Variants in MORC1 observed in about 807,000 individuals in gnomAD.
MORC1 encodes the protein MORC family CW-type zinc finger protein 1.
MORC1 carries 59 observed loss-of-function variants against 134.9 expected under a neutral mutation model. The ratio of observed to expected loss-of-function variants is 0.44; its 90% CI spans 0.35 to 0.54. The LOEUF (loss-of-function observed/expected upper bound fraction) is 0.54, where lower values mean the gene tolerates loss of function less well. Ranked by LOEUF, MORC1 falls within the 20% of genes least tolerant of loss-of-function variation. The pLI is 0.00. For synonymous variants in MORC1, 395 were observed against 391.7 expected, an observed-to-expected ratio of 1.01 and a Z score of -0.10; for missense variants, 947 against 1,134.5, an observed-to-expected ratio of 0.83 and a Z score of 2.37.
intron 3 of MORC1, chr3:109,110,222 G>A (rs1174826624): frequency 1.3e-5 from 2 of 152,456 alleles, no homozygotes; most frequent in Admixed American, 6.5e-5. Context: ...TGACTACCTG[G>A]GCATTACTCT....
intron 14 of MORC1, among the ~76,000 whole-genome samples, chr3:109,041,796 A>G (rs1045017595): frequency 6.6e-6 from 1 of 152,170 alleles, no homozygotes; most frequent in African/African-American, 2.4e-5. Context: ...CAATGAGCTG[A>G]GATCGTGCCA....
chr3:108,969,803 A>C, intron 25 of MORC1, 81 bp from the exon 26 acceptor site: 18 of 1,365,318 alleles, frequency 1.3e-5, no homozygotes, highest in Non-Finnish European at 1.8e-5. Flanking sequence ...TCACACAAGC[A>C]TTGAGTATAA....
At chr3:108,988,120 T>C (rs934953910) in intron 21 of MORC1, among the ~76,000 whole-genome samples, 3 of 152,044 alleles carry the variant, frequency 2.0e-5, no homozygotes, top group Non-Finnish European at 4.4e-5. Context: ...CTCTTTTTTT[T>C]CCCCTCCCAG....
At chr3:109,041,902 C>T (rs1949562153) in intron 14 of MORC1, among the ~76,000 whole-genome samples, 1 of 151,628 alleles carries the variant, frequency 6.6e-6, no homozygotes, top group Non-Finnish European at 1.5e-5. Context: ...CGAGATTGTG[C>T]CACTACACTC....
At chr3:109,023,788 A>T (rs1455823030) in intron 17 of MORC1, among the ~76,000 whole-genome samples, 2 of 152,224 alleles carry the variant, frequency 1.3e-5, no homozygotes, top group African/African-American at 4.8e-5. Flanking sequence ...AATAACAATT[A>T]TCCAGCTAAT....
chr3:108,981,776 A>T (rs181819828), intron 23 of MORC1, among the ~76,000 whole-genome samples: 1 of 152,310 alleles, frequency 6.6e-6, no homozygotes, highest in East Asian at 1.9e-4. Context: ...GCATTTGATA[A>T]GTTTCTTCCA....
chr3:108,958,943 A>T lies in MORC1; in HGVS notation c.*22T>A. ...TCCAATTTTCTTATTAGCATTTTTT[A>T]AAAGGTAATACCATCTCTGACTTAA... On this transcript the variant is annotated 3_prime_UTR_variant, in exon 28 of 28. Coordinates refer to ENST00000232603, the MANE Select transcript of MORC1 (RefSeq NM_014429.4). The T allele has an allele frequency of 7.1e-7, 1 of 1,413,608 alleles. No homozygotes were observed. The highest frequency in any genetic ancestry group is 9.3e-7 in the Non-Finnish European group (1 of 1,072,048). 87.6% of individuals were successfully genotyped at this position (1,413,608 alleles called of 1,614,324 possible).
intron 17 of MORC1, among the ~76,000 whole-genome samples, chr3:109,021,137 G>C (rs1432164931): frequency 1.3e-5 from 2 of 152,110 alleles, no homozygotes; most frequent in African/African-American, 4.8e-5. Context: ...CCAAAGACTT[G>C]TATCTTACTC....
At chr3:109,058,143 T>C (rs1315672273) in intron 12 of MORC1, among the ~76,000 whole-genome samples, 2 of 152,122 alleles carry the variant, frequency 1.3e-5, no homozygotes, top group African/African-American at 2.4e-5. Flanking sequence ...TATAAACACC[T>C]GTAATATCAG....
At chr3:109,070,564 T>C (rs1950296064) in intron 8 of MORC1, among the ~76,000 whole-genome samples, 1 of 152,142 alleles carries the variant, frequency 6.6e-6, no homozygotes, top group Admixed American at 6.5e-5. Context: ...CGATGCTCTT[T>C]ACTACTCGGT....
intron 4 of MORC1, among the ~76,000 whole-genome samples, chr3:109,102,763 A>C (rs1369535762): frequency 6.6e-6 from 1 of 152,218 alleles, no homozygotes; most frequent in Non-Finnish European, 1.5e-5. Flanking sequence ...CATTTATTTT[A>C]GGAATTCAAA....
At position 109,099,435 on chromosome 3, in the gene MORC1, G is replaced by C; in HGVS notation, c.346C>G (p.Leu116Val). 1 of 1,612,424 alleles carries C rather than the reference G, an allele frequency of 6.2e-7. No individual in the cohort carries two copies. The highest frequency in any genetic ancestry group is 2.2e-5 in the East Asian group (1 of 44,798). Reference sequence around the variant, plus strand: ...ATCGTTTCTTCCTTCTTCGTAAAAAGAATAAAGTCTTTTCCAATTCTCATG... The same window carrying C: ...ATCGTTTCTTCCTTCTTCGTAAAAACAATAAAGTCTTTTCCAATTCTCATG... ...GSMRIGKDFI[L>V]FTKKEETMTC... The change falls in exon 6 of 28, where the codon CTT (leucine) becomes GTT (valine). Residue 116 changes from leucine to valine, a missense_variant. Leu to Val is a conservative substitution (Grantham distance 32). This residue lies in a region of MORC1 where 214 missense variants were observed against 281.3 expected (regional missense o/e 0.76). Coordinates refer to ENST00000232603, the MANE Select transcript of MORC1 (RefSeq NM_014429.4).
intron 23 of MORC1, among the ~76,000 whole-genome samples, chr3:108,982,405 A>C (rs151124645): frequency 4.3e-4 from 66 of 152,274 alleles, no homozygotes; most frequent in African/African-American, 1.5e-3. Flanking sequence ...TACTGGGTAT[A>C]TACCCAAAGG....
chr3:109,040,829 C>CAAAAAAAAAAAA (rs59122147), intron 14 of MORC1, among the ~76,000 whole-genome samples: 7 of 108,608 alleles, frequency 6.4e-5, no homozygotes, highest in African/African-American at 8.9e-5. Flanking sequence ...AACTCTGTGT[C>CAAAAAAAAAAAA]AAAAAAAAAA....
rs150810380 is a variant in MORC1, at chr3:108,981,262, G to A, written c.2325-1595C>T. 4.7e-3 allele frequency among the ~76,000 whole-genome samples: 709 copies of A among 152,200 alleles called. 14 individuals are homozygous for A. The highest frequency in any genetic ancestry group is 0.016 in the African/African-American group (682 of 41,534). On this transcript the variant is annotated intron_variant, in intron 23 of 27. Transcript: ENST00000232603. Reference sequence around the variant, plus strand: ...CATAAATTAAGATCACAGCTCTAGAGAATTTTACATGTTTATAAGATGAGG... The same window carrying A: ...CATAAATTAAGATCACAGCTCTAGAAAATTTTACATGTTTATAAGATGAGG...
At chr3:109,003,430 C>CACACAT (rs1553746836) in intron 20 of MORC1, among the ~76,000 whole-genome samples, 2 of 146,974 alleles carry the variant, frequency 1.4e-5, no homozygotes, top group Admixed American at 6.8e-5. Flanking sequence ...CACACACACA[C>CACACAT]GCATGCATAC....
intron 9 of MORC1, among the ~76,000 whole-genome samples, chr3:109,066,297 T>A (rs1416797487): frequency 6.8e-6 from 1 of 147,394 alleles, no homozygotes; most frequent in East Asian, 1.9e-4. Flanking sequence ...TCTTTTTTTT[T>A]TTTTCTGAGA....
At chr3:109,105,209 C>T (rs929059101) in intron 3 of MORC1, among the ~76,000 whole-genome samples, 1 of 151,832 alleles carries the variant, frequency 6.6e-6, no homozygotes, top group African/African-American at 2.4e-5. Flanking sequence ...ATAGTGAGAC[C>T]TTATGGCCAC....
intron 3 of MORC1, among the ~76,000 whole-genome samples, chr3:109,106,694 C>G (rs1951046700): frequency 1.3e-5 from 2 of 152,074 alleles, no homozygotes; most frequent in Non-Finnish European, 2.9e-5. Context: ...CCATCTGGTC[C>G]TCTCAATTTC....
Sources: gnomAD v4.1 joint callset for allele counts (sites outside exome capture counted in the v4.1 genomes callset) on GRCh38, gnomAD v4.1.1 for gene constraint, gnomAD v4.1.1 regional missense constraint, MANE v1.5 for transcripts, NCBI Gene and HGNC (gene_info 2026-07-23, HGNC 2026-07-21) for gene names.